ABHD6: variants seen among roughly 807,000 people sequenced by gnomAD.
ABHD6 encodes abhydrolase domain containing 6, acylglycerol lipase, also known as monoacylglycerol lipase ABHD6.
In ABHD6, 33 loss-of-function variants were observed where a neutral mutation model predicts 38.8. The observed-to-expected ratio is 0.85, with a 90% confidence interval of 0.64 to 1.14. ABHD6 has a LOEUF of 1.14. Ranked by LOEUF, ABHD6 falls within the 50% of genes most tolerant of loss-of-function variation. ABHD6 has a pLI of 0.00. For synonymous variants in ABHD6, 147 were observed against 161.6 expected, an observed-to-expected ratio of 0.91 and a Z score of 0.69; for missense variants, 380 against 422.6, an observed-to-expected ratio of 0.90 and a Z score of 0.88.
At position 58,257,644 on chromosome 3, in the gene ABHD6, T is replaced by A. The variant is rs770786919; in HGVS notation, c.119+939T>A. Among the ~76,000 whole-genome samples the A allele has an allele frequency of 5.9e-5, 9 of 152,170 alleles. No homozygotes were observed. The highest frequency in any genetic ancestry group is 1.0e-4 in the Non-Finnish European group (7 of 68,032). On this transcript the variant is annotated intron_variant, in intron 3 of 9. Transcript: ENST00000478253. This position sits in a 1 kb window ranked among gnomAD's most constrained non-coding sequence, Gnocchi z 4.8. ...TCCCAAAGTGCTGGGATTACAGGTG[T>A]GAGCCACTGCGCCTGGCCTTCATCA...
intron 5 of ABHD6, among the ~76,000 whole-genome samples, chr3:58,270,066 G>A (rs1049575427): frequency 6.6e-6 from 1 of 152,100 alleles, no homozygotes; most frequent in Non-Finnish European, 1.5e-5. Flanking sequence ...TCTAATCATA[G>A]TTTCCTGTAC....
chr3:58,285,167 C>T lies in ABHD6; in HGVS notation c.736+28C>T. 6.2e-7 allele frequency: 1 copy of T among 1,609,874 alleles called. No individual in the cohort carries two copies. The highest frequency in any genetic ancestry group is 8.5e-7 in the Non-Finnish European group (1 of 1,176,146). ...AAGTAGCCCTACTTTCAGCTTGGAGCTTGTTACAAGTGAAGCTCTGTGGAT... is the reference window on the plus strand; with the variant it reads ...AAGTAGCCCTACTTTCAGCTTGGAGTTTGTTACAAGTGAAGCTCTGTGGAT... On this transcript the variant is annotated intron_variant, in intron 8 of 9. Coordinates refer to ENST00000478253, the MANE Select transcript of ABHD6 (RefSeq NM_001320126.2). The surrounding 1 kb of genome is among the most constrained non-coding windows in gnomAD (Gnocchi z 4.9).
chr3:58,271,615 T>C (rs947673316), intron 6 of ABHD6, among the ~76,000 whole-genome samples: 10 of 152,064 alleles, frequency 6.6e-5, no homozygotes, highest in Non-Finnish European at 1.3e-4. Flanking sequence ...TATGTACATA[T>C]GTCAACGTGA....
chr3:58,269,273 C>A lies in ABHD6; in HGVS notation c.277-48C>A. 1 of 1,454,598 alleles carries A rather than the reference C, an allele frequency of 6.9e-7. No individual in the cohort carries two copies. Among genetic ancestry groups the A allele is most frequent in the Non-Finnish European group, 9.6e-7 (1 of 1,039,128 alleles). The allele number at this position is 1,454,598 out of a possible 1,614,324, so 90.1% of individuals were successfully genotyped here. On this transcript the variant is annotated intron_variant, in intron 4 of 9. Transcript: ENST00000478253. This position sits in a 1 kb window ranked among gnomAD's most constrained non-coding sequence, Gnocchi z 4.4. ...GCAACCTCCCAAGAAAATGGGCAGA[C>A]ATGTTTTGCACACCACATACTGACT...
chr3:58,280,087 T>A (rs922566133), intron 7 of ABHD6, among the ~76,000 whole-genome samples: 41 of 152,042 alleles, frequency 2.7e-4, no homozygotes, highest in African/African-American at 9.4e-4. Flanking sequence ...TATTCTCGAG[T>A]AGTATCTTTA....
At position 58,289,245 on chromosome 3, in the gene ABHD6, AT is replaced by A. The variant is rs939768826; in HGVS notation, c.837+3800del. Reference sequence around the variant, plus strand: ...AATTTTTTATTTTTTTTATTTTTTTATTTTTTTTATTGATCATTCTTGGGTG... The same window carrying A: ...AATTTTTTATTTTTTTTATTTTTTTATTTTTTTATTGATCATTCTTGGGTG... On this transcript the variant is annotated intron_variant, in intron 9 of 9. Transcript: ENST00000478253. 2.3e-4 allele frequency among the ~76,000 whole-genome samples: 34 copies of A among 150,556 alleles called. 1 individual carries two copies. Among genetic ancestry groups the A allele is most frequent in the African/African-American group, 8.1e-4 (33 of 40,928 alleles).
chr3:58,269,521 G>C lies in ABHD6; in HGVS notation c.390+87G>C. 1 of 1,014,302 alleles carries C rather than the reference G, an allele frequency of 9.9e-7. No individual in the cohort carries two copies. The highest frequency in any genetic ancestry group is 1.5e-6 in the Non-Finnish European group (1 of 662,448). The allele number at this position is 1,014,302 out of a possible 1,614,324, so 62.8% of individuals were successfully genotyped here. ...TCTGGAGAGCAGGGAAGGGAGTCCT[G>C]TGCTACCTCATGACCAGTCTCCTGT... is the stretch of plus-strand genomic sequence containing the variant. On this transcript the variant is annotated intron_variant, in intron 5 of 9. Transcript: ENST00000478253. The surrounding 1 kb of genome is among the most constrained non-coding windows in gnomAD (Gnocchi z 4.4).
intron 9 of ABHD6, among the ~76,000 whole-genome samples, chr3:58,289,675 T>C (rs919670763): frequency 6.6e-6 from 1 of 152,218 alleles, no homozygotes; most frequent in African/African-American, 2.4e-5. Context: ...TTCTCAATCT[T>C]TTCCCCACCT....
At chr3:58,288,705 G>A (rs1442607560) in intron 9 of ABHD6, among the ~76,000 whole-genome samples, 1 of 152,168 alleles carries the variant, frequency 6.6e-6, no homozygotes, top group African/African-American at 2.4e-5. Context: ...GGATACAGTA[G>A]GGACCAAGAC....
chr3:58,288,018 T>C (rs1187415449), intron 9 of ABHD6, among the ~76,000 whole-genome samples: 2 of 152,168 alleles, frequency 1.3e-5, no homozygotes, highest in Non-Finnish European at 1.5e-5. Flanking sequence ...GGTCCAAATT[T>C]TTTTCCCAGA....
chr3:58,267,918 A>G lies in ABHD6; in HGVS notation c.276+573A>G, dbSNP rs922587012. 2.0e-5 allele frequency among the ~76,000 whole-genome samples: 3 copies of G among 152,042 alleles called. No individual in the cohort carries two copies. The highest frequency in any genetic ancestry group is 7.2e-5 in the African/African-American group (3 of 41,402). On this transcript the variant is annotated intron_variant, in intron 4 of 9. Coordinates refer to ENST00000478253, the MANE Select transcript of ABHD6 (RefSeq NM_001320126.2). This position sits in a 1 kb window ranked among gnomAD's most constrained non-coding sequence, Gnocchi z 4.3. ...AACATAGGGAGACTCCGTCTCTACAAAAAAATTAGCCAGGCATGGTGGCAT... is the reference window on the plus strand; with the variant it reads ...AACATAGGGAGACTCCGTCTCTACAGAAAAATTAGCCAGGCATGGTGGCAT...
intron 5 of ABHD6, among the ~76,000 whole-genome samples, chr3:58,270,007 A>T (rs746907344): frequency 1.3e-5 from 2 of 152,152 alleles, no homozygotes; most frequent in Non-Finnish European, 2.9e-5. Context: ...CTGTTTTTTA[A>T]ATTCGGTCAG....
At chr3:58,264,179 A>T (rs2097439110) in intron 3 of ABHD6, among the ~76,000 whole-genome samples, 1 of 152,092 alleles carries the variant, frequency 6.6e-6, no homozygotes, top group Non-Finnish European at 1.5e-5. Context: ...GTTAGTATTG[A>T]TTTTTTCTAA....
At chr3:58,284,984 T>A (rs749419645) in intron 7 of ABHD6, 101 bp from the exon 8 acceptor site, 66 of 1,100,572 alleles carry the variant, frequency 6.0e-5, no homozygotes, top group Non-Finnish European at 4.3e-5. Flanking sequence ...GACAGTGCAA[T>A]AAATTGCTGG....
chr3:58,260,762 C>A (rs918845703), intron 3 of ABHD6, among the ~76,000 whole-genome samples: 1 of 152,200 alleles, frequency 6.6e-6, no homozygotes, highest in African/African-American at 2.4e-5. Flanking sequence ...GGCACCCAGT[C>A]CCCGTTCCCC....
At chr3:58,245,106 T>C in intron 1 of ABHD6, among the ~76,000 whole-genome samples, 1 of 152,202 alleles carries the variant, frequency 6.6e-6, no homozygotes, top group East Asian at 1.9e-4. Context: ...CTCATTTTTT[T>C]GTTTAACATC....
Position 58,293,413 on chromosome 3 carries a change from T to G in ABHD6, c.838-176T>G, listed in dbSNP as rs2097464748. 6.6e-6 allele frequency among the ~76,000 whole-genome samples: 1 copy of G among 152,210 alleles called. No individual in the cohort carries two copies. The highest frequency in any genetic ancestry group is 1.5e-5 in the Non-Finnish European group (1 of 68,040). Reference sequence around the variant, plus strand: ...TTGCAGAATAAAACAGGAGGCATCATGGTTACTTCCATTCAGACAGCCACA... The same window carrying G: ...TTGCAGAATAAAACAGGAGGCATCAGGGTTACTTCCATTCAGACAGCCACA... On this transcript the variant is annotated intron_variant, in intron 9 of 9. Transcript: ENST00000478253. This position sits in a 1 kb window ranked among gnomAD's most constrained non-coding sequence, Gnocchi z 4.4.
intron 3 of ABHD6, among the ~76,000 whole-genome samples, chr3:58,261,035 G>C (rs976900021): frequency 2.0e-5 from 3 of 152,160 alleles, no homozygotes; most frequent in Non-Finnish European, 2.9e-5. Context: ...GCCACACCGG[G>C]GATGCTGTGG....
At chr3:58,286,868 A>ATATATATG (rs1559784516) in intron 9 of ABHD6, among the ~76,000 whole-genome samples, 15 of 128,286 alleles carry the variant, frequency 1.2e-4, no homozygotes, top group Admixed American at 2.5e-4. Context: ...ATATATATAT[A>ATATATATG]TGTATATGTA....
Sources: allele counts gnomAD v4.1 joint callset (sites outside exome capture counted in the v4.1 genomes callset), GRCh38; gene constraint gnomAD v4.1.1; non-coding constraint Gnocchi (gnomAD v3.1); transcripts MANE v1.5; gene names NCBI Gene and HGNC (gene_info 2026-07-23, HGNC 2026-07-21).